The following ZDHHC7 variants were observed in gnomAD, a reference collection of about 807,000 sequenced individuals.
The protein encoded by ZDHHC7 is palmitoyltransferase ZDHHC7.
Under a neutral mutation model 34.1 loss-of-function variants are expected in ZDHHC7, and 12 were observed. The ratio of observed to expected loss-of-function variants is 0.35; its 90% CI spans 0.23 to 0.57. The LOEUF (loss-of-function observed/expected upper bound fraction) is 0.57. Among genes scored for constraint, ZDHHC7 ranks in the 20% least tolerant of loss-of-function variants. The pLI, the probability that ZDHHC7 is intolerant of heterozygous loss-of-function variation, is 0.84. For synonymous variants in ZDHHC7, 185 were observed against 155.4 expected (o/e 1.19, Z -1.42); for missense variants, 388 against 402.7 (o/e 0.96, Z 0.31).
At chr16:85,013,018 C>A (rs1270630987), upstream of ZDHHC7, among the ~76,000 whole-genome samples, 3 of 152,154 alleles carry the variant, frequency 2.0e-5, no homozygotes, top group Non-Finnish European at 2.9e-5. Context: ...AGGAAAAGTT[C>A]TCTTTATCCT....
chr16:85,019,433 C>G, the ZDHHC7 span, among the ~76,000 whole-genome samples: 1 of 152,130 alleles, frequency 6.6e-6, no homozygotes, highest in African/African-American at 2.4e-5. Flanking sequence ...AAGTAGTCAT[C>G]TGGCCAGGTA....
At chr16:85,001,985 T>C (rs2072659171) in intron 1 of ZDHHC7, among the ~76,000 whole-genome samples, 1 of 152,000 alleles carries the variant, frequency 6.6e-6, no homozygotes, top group African/African-American at 2.4e-5. Flanking sequence ...TAATGAAGTG[T>C]TCACAATACA....
chr16:84,974,338 A>G lies in ZDHHC7; in HGVS notation c.*2005T>C, dbSNP rs2072266057. 2 of 152,198 alleles carry G rather than the reference A, an allele frequency of 1.3e-5. No homozygotes were observed. Among genetic ancestry groups the G allele is most frequent in the African/African-American group, 4.8e-5 (2 of 41,450 alleles). The allele number at this position is 152,198 out of a possible 1,614,324, so 9.4% of individuals were successfully genotyped here. A position where few individuals can be genotyped will look rare whatever the true frequency, so the allele number is the denominator to read the frequency against. ...GGTCACTTGTCATGGGCACAAAAGC[A>G]TTTAGAGTTTCTGGAAACTGTTTGG... is the stretch of plus-strand genomic sequence containing the variant. On this transcript the variant is annotated 3_prime_UTR_variant, in exon 8 of 8. Transcript: ENST00000313732.
In ZDHHC7 at chr16:84,975,639, T is replaced by A. The variant is rs561932188; in HGVS notation, c.*704A>T. 6.5e-6 allele frequency: 1 copy of A among 152,776 alleles called. No homozygotes were observed. The highest frequency in any genetic ancestry group is 1.9e-4 in the East Asian group (1 of 5,192). 9.5% of individuals were successfully genotyped at this position (152,776 alleles called of 1,614,324 possible). A position where few individuals can be genotyped will look rare whatever the true frequency, so the allele number is the denominator to read the frequency against. On this transcript the variant is annotated 3_prime_UTR_variant, in exon 8 of 8. Coordinates refer to ENST00000313732, the MANE Select transcript of ZDHHC7 (RefSeq NM_017740.3). ...CTCCCCTCTTCCCTGAAACGTCGGT[T>A]TCTAAAAAATAGCTTGTTTGCTGTA...
In ZDHHC7 at chr16:84,975,529, C is replaced by T. The variant is rs763648539; in HGVS notation, c.*814G>A. On this transcript the variant is annotated 3_prime_UTR_variant, in exon 8 of 8. Transcript: ENST00000313732. ...TGAAAGCAGGAGGGCAACGAAGGGC[C>T]GCACAGGAACGGCTGTTCTTTGGAT... The T allele has an allele frequency of 1.3e-5, 2 of 152,626 alleles. No homozygotes were observed. Among genetic ancestry groups the T allele is most frequent in the East Asian group, 1.9e-4 (1 of 5,190 alleles). 9.5% of individuals were successfully genotyped at this position (152,626 alleles called of 1,614,324 possible). A position where few individuals can be genotyped will look rare whatever the true frequency, so the allele number is the denominator to read the frequency against.
intron 1 of ZDHHC7, among the ~76,000 whole-genome samples, chr16:85,010,506 G>C (rs757458001): frequency 6.6e-6 from 1 of 152,182 alleles, no homozygotes; most frequent in Admixed American, 6.5e-5. Context: ...GTGCGCTTAA[G>C]TGCATACACT....
intron 1 of ZDHHC7, among the ~76,000 whole-genome samples, chr16:85,000,362 A>G (rs2072638072): frequency 6.6e-6 from 1 of 152,114 alleles, no homozygotes; most frequent in African/African-American, 2.4e-5. Flanking sequence ...TGTATCTGTA[A>G]CTTCAAGCAA....
intron 3 of ZDHHC7, among the ~76,000 whole-genome samples, chr16:84,984,630 C>T (rs1020720524): frequency 7.2e-5 from 11 of 152,156 alleles, no homozygotes; most frequent in African/African-American, 2.7e-4. Flanking sequence ...AAGCCAAGTA[C>T]ACATTGGGTG....
chr16:84,993,608 G>A (rs978251607), intron 2 of ZDHHC7, among the ~76,000 whole-genome samples: 1 of 152,052 alleles, frequency 6.6e-6, no homozygotes, highest in Admixed American at 6.6e-5. Flanking sequence ...CACCACTGCA[G>A]TCCAGCCTGG....
intron 1 of ZDHHC7, among the ~76,000 whole-genome samples, chr16:85,003,355 G>A (rs1326666296): frequency 6.6e-6 from 1 of 152,238 alleles, no homozygotes; most frequent in East Asian, 1.9e-4. Flanking sequence ...CAGGGAACCT[G>A]AGTCAAGGTG....
intron 1 of ZDHHC7, among the ~76,000 whole-genome samples, chr16:84,998,934 T>C (rs1459566713): frequency 6.6e-6 from 1 of 152,002 alleles, no homozygotes; most frequent in African/African-American, 2.4e-5. Context: ...TTTGTATTTT[T>C]AGTAGAAACA....
chr16:84,994,160 G>C (rs1283565937), intron 2 of ZDHHC7, among the ~76,000 whole-genome samples: 1 of 152,174 alleles, frequency 6.6e-6, no homozygotes, highest in East Asian at 1.9e-4. Context: ...GCCCCTCCAG[G>C]GGGGTCTGGG....
At chr16:85,006,686 G>T (rs1290767674) in intron 1 of ZDHHC7, among the ~76,000 whole-genome samples, 1 of 152,182 alleles carries the variant, frequency 6.6e-6, no homozygotes, top group Admixed American at 6.6e-5. Flanking sequence ...GCTGCAGTAA[G>T]TTGAGATCAT....
At chr16:85,014,758 G>T (rs1294280482), upstream of ZDHHC7, among the ~76,000 whole-genome samples, 1 of 152,154 alleles carries the variant, frequency 6.6e-6, no homozygotes, top group Non-Finnish European at 1.5e-5. Context: ...AGTGACCAAT[G>T]GCCTAGGACA....
intron 3 of ZDHHC7, among the ~76,000 whole-genome samples, chr16:84,987,396 C>T (rs2072450384): frequency 6.6e-6 from 1 of 151,790 alleles, no homozygotes; most frequent in Non-Finnish European, 1.5e-5. Context: ...GATGTGGACA[C>T]ACTGCAGGTG....
At chr16:84,986,875 G>A (rs1007492884) in intron 3 of ZDHHC7, among the ~76,000 whole-genome samples, 1 of 152,184 alleles carries the variant, frequency 6.6e-6, no homozygotes, top group African/African-American at 2.4e-5. Flanking sequence ...GCCTGGACTG[G>A]ACCCTGGTAG....
At chr16:84,998,780 G>A (rs2072617545) in intron 1 of ZDHHC7, among the ~76,000 whole-genome samples, 2 of 135,872 alleles carry the variant, frequency 1.5e-5, no homozygotes, top group African/African-American at 2.8e-5. Flanking sequence ...TTGAGATGGA[G>A]TCTCACTCCT....
intron 3 of ZDHHC7, among the ~76,000 whole-genome samples, chr16:84,986,590 A>C (rs1352690911): frequency 1.3e-5 from 2 of 152,180 alleles, no homozygotes; most frequent in African/African-American, 4.8e-5. Context: ...TCACGATCCC[A>C]AAGTGAAGCC....
At chr16:85,022,432 A>G in the ZDHHC7 span, among the ~76,000 whole-genome samples, 1 of 152,098 alleles carries the variant, frequency 6.6e-6, no homozygotes, top group African/African-American at 2.4e-5. Context: ...CTGAGGCAGG[A>G]GAATCACTTG....
Sources: allele counts gnomAD v4.1 joint callset (sites outside exome capture counted in the v4.1 genomes callset), GRCh38; gene constraint gnomAD v4.1.1; transcripts MANE v1.5; gene names NCBI Gene and HGNC (gene_info 2026-07-23, HGNC 2026-07-21).